Variants in GRHL2 observed in about 807,000 individuals in gnomAD.
GRHL2 encodes grainyhead like transcription factor 2.
In GRHL2, 21 loss-of-function variants were observed where a neutral mutation model predicts 83.8. That is an observed-to-expected ratio of 0.25 (90% CI 0.18 to 0.36). The LOEUF (loss-of-function observed/expected upper bound fraction) is 0.36. Among genes scored for constraint, GRHL2 ranks in the 10% least tolerant of loss-of-function variants. GRHL2 has a pLI of 1.00. For synonymous variants in GRHL2, 280 were observed against 278.9 expected (o/e 1.00, Z -0.04); for missense variants, 623 against 781.8 (o/e 0.80, Z 2.42).
In GRHL2 at chr8:101,619,036, G is replaced by A. The variant is rs552713262; in HGVS notation, c.1099-503G>A. ...TAGGAGGCTGAGGCAGGCGGATCAC[G>A]AGGTCAGGAGACTGAGACCATCCTG... On this transcript the variant is annotated intron_variant, in intron 8 of 15. Coordinates refer to ENST00000646743, the MANE Select transcript of GRHL2 (RefSeq NM_024915.4). 4.7e-4 allele frequency among the ~76,000 whole-genome samples: 71 copies of A among 152,224 alleles called. 1 individual carries two copies. Among genetic ancestry groups the A allele is most frequent in the South Asian group, 3.3e-3 (16 of 4,826 alleles).
intron 7 of GRHL2, among the ~76,000 whole-genome samples, chr8:101,598,054 C>T (rs1326317873): frequency 6.6e-6 from 1 of 152,054 alleles, no homozygotes; most frequent in East Asian, 1.9e-4. Context: ...AAGCTATATA[C>T]ACAGGCAATT....
chr8:101,672,208 G>C (rs530879568), downstream of GRHL2, among the ~76,000 whole-genome samples: 1 of 151,750 alleles, frequency 6.6e-6, no homozygotes, highest in African/African-American at 2.4e-5. Context: ...GATGGGGAAT[G>C]ACTTTGACGA....
chr8:101,510,074 T>C (rs2130004044), intron 1 of GRHL2, among the ~76,000 whole-genome samples: 1 of 152,326 alleles, frequency 6.6e-6, no homozygotes, highest in East Asian at 1.9e-4. Flanking sequence ...CACTGCAGCC[T>C]TGACCTCCCA....
At chr8:101,612,512 GATAGATAGATACATAC>G (rs58866247) in intron 8 of GRHL2, among the ~76,000 whole-genome samples, 3,662 of 121,346 alleles carry the variant, frequency 0.03, 94 homozygotes, top group Middle Eastern at 0.1. Flanking sequence ...TAGATAGATA[GATAGATAGATACATAC>G]ATACATACAT....
chr8:101,593,908 A>T (rs1387103664), intron 7 of GRHL2, among the ~76,000 whole-genome samples: 1 of 151,760 alleles, frequency 6.6e-6, no homozygotes, highest in African/African-American at 2.4e-5. Context: ...TCTACTAAAA[A>T]TATCAAAAAA....
chr8:101,556,042 G>A (rs1586091005), intron 3 of GRHL2, among the ~76,000 whole-genome samples: 1 of 152,052 alleles, frequency 6.6e-6, no homozygotes, highest in South Asian at 2.1e-4. Flanking sequence ...TGCAACCTCC[G>A]ATCCCGGCAG....
At chr8:101,561,322 A>T (rs190918366) in intron 4 of GRHL2, among the ~76,000 whole-genome samples, 8 of 152,302 alleles carry the variant, frequency 5.3e-5, no homozygotes, top group Admixed American at 3.9e-4. Context: ...AGGCTAGAAA[A>T]ATAAAGTTTG....
At position 101,652,338 on chromosome 8, in the gene GRHL2, TGTATGTGTGTG is replaced by T. The variant is rs1253869916; in HGVS notation, c.1698+2842_1698+2852del. ...TGTGTGCGTGTGTGTGTGGTGTGTG[TGTATGTGTGTG>T]GTGTGTGTGGTGTGTGTGTGTCTGA... On this transcript the variant is annotated intron_variant, in intron 14 of 15. Transcript: ENST00000646743. Among the ~76,000 whole-genome samples the T allele has an allele frequency of 1.4e-3, 146 of 102,930 alleles. 3 individuals are homozygous for T. In the East Asian group the frequency reaches 0.032, roughly 22 times the overall value. 67.5% of individuals were successfully genotyped at this position (102,930 alleles called of 152,430 possible).
At chr8:101,517,482 G>A (rs901434300) in intron 1 of GRHL2, among the ~76,000 whole-genome samples, 6 of 152,110 alleles carry the variant, frequency 3.9e-5, no homozygotes, top group East Asian at 3.9e-4. Flanking sequence ...GGCCACCAGC[G>A]CAAAGGGCTG....
chr8:101,577,357 G>T, intron 6 of GRHL2, 51 bp from the exon 7 acceptor site: 1 of 1,114,790 alleles, frequency 9.0e-7, no homozygotes, highest in Non-Finnish European at 1.4e-6. Context: ...GGAGACTGAG[G>T]CAACAGAGGC....
rs148647957 is a variant in GRHL2 at position 101,508,179 on chromosome 8, C to T, written c.20+15390C>T. Among the ~76,000 whole-genome samples the T allele has an allele frequency of 2.0e-3, 297 of 152,206 alleles. 2 individuals are homozygous for T. The highest frequency in any genetic ancestry group is 6.5e-3 in the African/African-American group (268 of 41,540). On this transcript the variant is annotated intron_variant, in intron 1 of 15. Coordinates refer to ENST00000646743, the MANE Select transcript of GRHL2 (RefSeq NM_024915.4). Reference sequence around the variant, plus strand: ...AATAGAAATTCCTAATCAAAAGGTACGCACTTTTTGAAGACATTTGGTTCA... The same window carrying T: ...AATAGAAATTCCTAATCAAAAGGTATGCACTTTTTGAAGACATTTGGTTCA...
chr8:101,594,992 T>A (rs1812361795), intron 7 of GRHL2, among the ~76,000 whole-genome samples: 1 of 152,236 alleles, frequency 6.6e-6, no homozygotes, highest in South Asian at 2.1e-4. Context: ...ACTATCCTTT[T>A]GTTTTGGGCA....
At chr8:101,531,222 C>CAAA (rs34027383) in intron 1 of GRHL2, among the ~76,000 whole-genome samples, 26 of 131,886 alleles carry the variant, frequency 2.0e-4, no homozygotes, top group South Asian at 5.2e-4. Flanking sequence ...GACCTTATCT[C>CAAA]AAAAAAAAAA....
chr8:101,666,981 C>T lies in GRHL2; in HGVS notation c.*278C>T, dbSNP rs1480752901. 2.2e-5 allele frequency: 12 copies of T among 536,620 alleles called. No homozygotes were observed. The highest frequency in any genetic ancestry group is 3.7e-5 in the Non-Finnish European group (11 of 296,338). 33.2% of individuals were successfully genotyped at this position (536,620 alleles called of 1,614,324 possible). On this transcript the variant is annotated 3_prime_UTR_variant, in exon 16 of 16. Transcript: ENST00000646743. Reference sequence around the variant, plus strand: ...GCCCACCTTTTCCTGGAGCCCAGGTCCAGGCCCGCCAGGACTCTGCAGGTC... The same window carrying T: ...GCCCACCTTTTCCTGGAGCCCAGGTTCAGGCCCGCCAGGACTCTGCAGGTC...
intron 14 of GRHL2, among the ~76,000 whole-genome samples, chr8:101,661,066 G>A (rs1444989283): frequency 2.6e-5 from 4 of 152,100 alleles, no homozygotes; most frequent in Non-Finnish European, 4.4e-5. Context: ...GCTGCATGTG[G>A]GCCAAGATAG....
intron 8 of GRHL2, among the ~76,000 whole-genome samples, chr8:101,607,138 T>A (rs1193541576): frequency 6.6e-6 from 1 of 152,240 alleles, no homozygotes; most frequent in Non-Finnish European, 1.5e-5. Flanking sequence ...TTCTTTTTGG[T>A]CTAAACTGCT....
intron 1 of GRHL2, among the ~76,000 whole-genome samples, chr8:101,511,719 C>T (rs1810469895): frequency 6.6e-6 from 1 of 151,546 alleles, no homozygotes; most frequent in Non-Finnish European, 1.5e-5. Context: ...AAGGCTTTCT[C>T]TGCTCTAAAA....
downstream of GRHL2, among the ~76,000 whole-genome samples, chr8:101,673,087 C>T (rs542397748): frequency 5.1e-3 from 763 of 150,436 alleles, 7 homozygotes; most frequent in Admixed American, 0.014. Flanking sequence ...CGGTACCAGC[C>T]GCTGCAAAAT....
At chr8:101,519,577 T>G (rs1212199760) in intron 1 of GRHL2, among the ~76,000 whole-genome samples, 1 of 146,814 alleles carries the variant, frequency 6.8e-6, no homozygotes, top group African/African-American at 2.6e-5. Flanking sequence ...TTTTTTTTTG[T>G]ATGGTTGCAT....
Sources: gnomAD v4.1 joint callset for allele counts (sites outside exome capture counted in the v4.1 genomes callset) on GRCh38, gnomAD v4.1.1 for gene constraint, MANE v1.5 for transcripts, NCBI Gene and HGNC (gene_info 2026-07-23, HGNC 2026-07-21) for gene names.